CLPX: variants seen among roughly 807,000 people sequenced by gnomAD.
CLPX encodes ATP-dependent clpX-like chaperone, mitochondrial.
CLPX carries 34 observed loss-of-function variants against 76.4 expected under a neutral mutation model. The ratio of observed to expected loss-of-function variants is 0.45; its 90% CI spans 0.34 to 0.59. The LOEUF (loss-of-function observed/expected upper bound fraction) is 0.59. CLPX is among the 20% of genes least tolerant of loss of function. CLPX has a pLI of 0.01. For synonymous variants in CLPX, 248 were observed against 270.9 expected, an observed-to-expected ratio of 0.92 and a Z score of 0.83; for missense variants, 613 against 757.0, an observed-to-expected ratio of 0.81 and a Z score of 2.23.
intron 3 of CLPX, among the ~76,000 whole-genome samples, chr15:65,175,644 G>T (rs912791570): frequency 6.6e-6 from 1 of 152,146 alleles, no homozygotes; most frequent in African/African-American, 2.4e-5. Context: ...ACCCCTACAT[G>T]AAATCTGAAA....
intron 6 of CLPX, among the ~76,000 whole-genome samples, chr15:65,161,849 T>A (rs988957505): frequency 6.6e-6 from 1 of 151,286 alleles, no homozygotes; most frequent in Non-Finnish European, 1.5e-5. Flanking sequence ...CTGGGGATAA[T>A]GTAATTTTAT....
chr15:65,173,958 T>C (rs2088050267), intron 3 of CLPX, among the ~76,000 whole-genome samples: 1 of 152,076 alleles, frequency 6.6e-6, no homozygotes, highest in African/African-American at 2.4e-5. Context: ...GAGATGATCA[T>C]TCAACTTGGT....
intron 2 of CLPX, among the ~76,000 whole-genome samples, chr15:65,179,389 T>G (rs2088133886): frequency 6.6e-6 from 1 of 152,204 alleles, no homozygotes; most frequent in Non-Finnish European, 1.5e-5. Context: ...GGAGTTATTA[T>G]CATGGTAGGT....
chr15:65,148,792 T>C lies in CLPX; in HGVS notation c.*2031A>G, dbSNP rs931338797. 1 of 149,980 alleles carries C rather than the reference T, an allele frequency of 6.7e-6. No individual in the cohort carries two copies. Among genetic ancestry groups the C allele is most frequent in the African/African-American group, 2.4e-5 (1 of 40,966 alleles). The allele number at this position is 149,980 out of a possible 1,614,324, so 9.3% of individuals were successfully genotyped here. ...CTGATTTAAACAATTTCAAATGAGA[T>C]TAAACTGAATGAATATAGAACTTGT... On this transcript the variant is annotated 3_prime_UTR_variant, in exon 14 of 14. Coordinates refer to ENST00000300107, the MANE Select transcript of CLPX (RefSeq NM_006660.5).
At chr15:65,160,847 C>A (rs2087847977) in intron 6 of CLPX, among the ~76,000 whole-genome samples, 1 of 152,142 alleles carries the variant, frequency 6.6e-6, no homozygotes, top group Non-Finnish European at 1.5e-5. Flanking sequence ...CTCTCCGATT[C>A]TTTCAGTTAG....
intron 12 of CLPX, 147 bp downstream of exon 12, chr15:65,153,400 G>A (rs767513465): frequency 1.1e-4 from 63 of 585,904 alleles, no homozygotes; most frequent in Non-Finnish European, 1.6e-4. Context: ...AGATTGCAGT[G>A]AGCCAAGATC....
At position 65,152,478 on chromosome 15, in the gene CLPX, T is replaced by A. The variant is rs568339243; in HGVS notation, c.1763A>T (p.Glu588Val). ...EVPNSDIVCV[E>V]VDKEVVEGKK... is the part of the protein sequence containing the mutation. ...TCCTTCTACTACTTCTTTGTCAACC[T>A]CCACACATACGATATCAGAATTAGG... Residue 588 changes from glutamate to valine, a missense_variant, in exon 13 of 14, where the codon GAG (glutamate) becomes GTG (valine). Glu to Val is a moderately radical substitution (Grantham distance 121). Around this residue, in one of 2 missense-constraint regions of CLPX, gnomAD observed 450 missense variants for 638.6 expected, o/e 0.70. Coordinates refer to ENST00000300107, the MANE Select transcript of CLPX (RefSeq NM_006660.5). 390 of 1,563,294 alleles carry A rather than the reference T, an allele frequency of 2.5e-4. 8 individuals are homozygous for A. The South Asian group carries it at 4.6e-3, about 19-fold the overall frequency.
chr15:65,173,986 T>C (rs2088050687), intron 3 of CLPX, among the ~76,000 whole-genome samples: 1 of 152,194 alleles, frequency 6.6e-6, no homozygotes, highest in Non-Finnish European at 1.5e-5. Context: ...TTTTTTTTCT[T>C]TTGAGATGAG....
chr15:65,149,466 C>T lies in CLPX; in HGVS notation c.*1357G>A, dbSNP rs1171182196. 1 of 342,270 alleles carries T rather than the reference C, an allele frequency of 2.9e-6. No homozygotes were observed. The highest frequency in any genetic ancestry group is 5.7e-6 in the Non-Finnish European group (1 of 175,556). 21.2% of individuals were successfully genotyped at this position (342,270 alleles called of 1,614,324 possible). A position where few individuals can be genotyped will look rare whatever the true frequency, so the allele number is the denominator to read the frequency against. The stretch of plus-strand genomic sequence containing the variant: ...CTCCAGCCTGGGTGACACAGCGAGA[C>T]TCTGTCTCAAAAAAATAAAATAAAA... On this transcript the variant is annotated 3_prime_UTR_variant, in exon 14 of 14. Coordinates refer to ENST00000300107, the MANE Select transcript of CLPX (RefSeq NM_006660.5).
intron 4 of CLPX, among the ~76,000 whole-genome samples, chr15:65,165,622 T>A (rs943217719): frequency 3.3e-5 from 5 of 151,568 alleles, no homozygotes; most frequent in Non-Finnish European, 5.9e-5. Flanking sequence ...CCTGACCTCA[T>A]GATCCGCCCG....
chr15:65,158,311 T>C (rs2087815054), intron 7 of CLPX: 2 of 367,076 alleles, frequency 5.4e-6, no homozygotes. Context: ...TGTGAGCCAC[T>C]ACATCCGATC....
chr15:65,182,199 C>T (rs1451688926), intron 1 of CLPX, among the ~76,000 whole-genome samples: 1 of 151,270 alleles, frequency 6.6e-6, no homozygotes. Flanking sequence ...TCAAAATGAC[C>T]ATTCACCAAT....
chr15:65,177,478 A>G (rs750181086), intron 3 of CLPX, among the ~76,000 whole-genome samples: 4 of 152,152 alleles, frequency 2.6e-5, no homozygotes, highest in Non-Finnish European at 5.9e-5. Flanking sequence ...AACACACTAC[A>G]TCTAGTACCT....
intron 3 of CLPX, among the ~76,000 whole-genome samples, chr15:65,173,996 G>A (rs2088050880): frequency 6.6e-6 from 1 of 152,120 alleles, no homozygotes; most frequent in South Asian, 2.1e-4. Flanking sequence ...TTTGAGATGA[G>A]ACAAAGTCTC....
At chr15:65,174,541 G>A (rs933602999) in intron 3 of CLPX, among the ~76,000 whole-genome samples, 1 of 152,136 alleles carries the variant, frequency 6.6e-6, no homozygotes, top group African/African-American at 2.4e-5. Context: ...GGGATTACAG[G>A]CATAAGCCAC....
intron 3 of CLPX, among the ~76,000 whole-genome samples, chr15:65,175,573 G>A (rs1248483749): frequency 6.6e-6 from 1 of 152,140 alleles, no homozygotes; most frequent in African/African-American, 2.4e-5. Context: ...GGGACCAGAA[G>A]TGTTTCAGAG....
intron 4 of CLPX, among the ~76,000 whole-genome samples, chr15:65,165,950 C>CT (rs758675939): frequency 1.3e-5 from 2 of 152,150 alleles, no homozygotes; most frequent in African/African-American, 2.4e-5. Context: ...GAGAAATAAT[C>CT]TAAGTGTGCA....
In CLPX at chr15:65,175,563, G is replaced by A. The variant is rs1399861394; in HGVS notation, c.358+3371C>T. The stretch of plus-strand genomic sequence containing the variant: ...GAGTTATCCCTTAACCAAAATGCAC[G>A]GGACCAGAAGTGTTTCAGAGTTCAA... On this transcript the variant is annotated intron_variant, in intron 3 of 13. Coordinates refer to ENST00000300107, the MANE Select transcript of CLPX (RefSeq NM_006660.5). Among the ~76,000 whole-genome samples the A allele has an allele frequency of 5.3e-5, 8 of 152,104 alleles. No individual in the cohort carries two copies. In the South Asian group the frequency reaches 1.2e-3, roughly 24 times the overall value.
At chr15:65,167,665 C>T (rs576764124) in intron 3 of CLPX, among the ~76,000 whole-genome samples, 1 of 149,592 alleles carries the variant, frequency 6.7e-6, no homozygotes, top group East Asian at 2.0e-4. Context: ...CACCTGAGGT[C>T]AGGAGTTAGA....
Sources: allele counts gnomAD v4.1 joint callset (sites outside exome capture counted in the v4.1 genomes callset), GRCh38; gene constraint gnomAD v4.1.1; regional missense constraint gnomAD v4.1.1; transcripts MANE v1.5; gene names NCBI Gene and HGNC (gene_info 2026-07-23, HGNC 2026-07-21).